SCTR: variants seen among roughly 807,000 people sequenced by gnomAD.
The protein encoded by SCTR is pancreatic secretin receptor.
Under a neutral mutation model 60.8 loss-of-function variants are expected in SCTR, and 56 were observed. The observed-to-expected ratio is 0.92, with a 90% CI of 0.74 to 1.15. SCTR has a LOEUF of 1.15. Among genes scored for constraint, SCTR ranks in the 50% most tolerant of loss-of-function variants. SCTR has a pLI of 0.00. For synonymous variants in SCTR, 202 were observed against 217.0 expected (o/e 0.93, Z 0.61); for missense variants, 562 against 550.4 (o/e 1.02, Z -0.21).
At chr2:119,467,573 T>C (rs948241653) in intron 4 of SCTR, among the ~76,000 whole-genome samples, 2 of 152,186 alleles carry the variant, frequency 1.3e-5, no homozygotes, top group Non-Finnish European at 2.9e-5. Context: ...TAGAAATATG[T>C]ATCAAGAACC....
intron 7 of SCTR, among the ~76,000 whole-genome samples, chr2:119,457,585 C>T (rs1384158356): frequency 1.3e-5 from 2 of 152,112 alleles, no homozygotes; most frequent in Non-Finnish European, 2.9e-5. Context: ...TGGTGGCATG[C>T]ACCTGTAGTC....
At chr2:119,485,103 G>C (rs912356623) in intron 2 of SCTR, among the ~76,000 whole-genome samples, 2 of 152,244 alleles carry the variant, frequency 1.3e-5, no homozygotes, top group Non-Finnish European at 2.9e-5. Flanking sequence ...ACCATCATCA[G>C]CTGCAGGCGA....
At chr2:119,448,161 C>T (rs1302523800) in intron 10 of SCTR, among the ~76,000 whole-genome samples, 2 of 152,152 alleles carry the variant, frequency 1.3e-5, no homozygotes, top group Non-Finnish European at 2.9e-5. Context: ...CCAAACCTGT[C>T]GACACCTTGA....
At chr2:119,518,495 G>A (rs1679181334) in intron 1 of SCTR, among the ~76,000 whole-genome samples, 1 of 152,162 alleles carries the variant, frequency 6.6e-6, no homozygotes, top group Non-Finnish European at 1.5e-5. Flanking sequence ...AGCACAATGG[G>A]CTAAGACTGC....
chr2:119,517,002 T>A (rs1282976806), intron 1 of SCTR, among the ~76,000 whole-genome samples: 3 of 152,088 alleles, frequency 2.0e-5, no homozygotes, highest in African/African-American at 7.2e-5. Flanking sequence ...CACTGTATCG[T>A]ACACTGGAAT....
Position 119,490,279 on chromosome 2 carries a change from G to C in SCTR, c.193+4149C>G, listed in dbSNP as rs549104227. ...TCCCTGTCCCTTGCGCAGTGGCCGAGTGCATGGGCTAAAGCACATTTGCAG... is the reference window on the plus strand; with the variant it reads ...TCCCTGTCCCTTGCGCAGTGGCCGACTGCATGGGCTAAAGCACATTTGCAG... On this transcript the variant is annotated intron_variant, in intron 2 of 12. Transcript: ENST00000019103. Among the ~76,000 whole-genome samples, 22 of 152,330 alleles carry C rather than the reference G, an allele frequency of 1.4e-4. No individual in the cohort carries two copies. The South Asian group carries it at 4.4e-3, about 30-fold the overall frequency.
At position 119,454,463 on chromosome 2, in the gene SCTR, G is replaced by C. The variant is rs180925743; in HGVS notation, c.791-1116C>G. Among the ~76,000 whole-genome samples, 1,516 of 152,256 alleles carry C rather than the reference G, an allele frequency of 1.0e-2. 22 individuals are homozygous for C. Among genetic ancestry groups the C allele is most frequent in the African/African-American group, 0.034 (1,427 of 41,544 alleles). ...GTGACAGTCTACACCAGCGCTCAAG[G>C]TGGCTCTTGAGCACCTGGTATGTGG... On this transcript the variant is annotated intron_variant, in intron 7 of 12. Transcript: ENST00000019103.
At position 119,524,343 on chromosome 2, in the gene SCTR, G is replaced by T; in HGVS notation, c.-117C>A. On this transcript the variant is annotated 5_prime_UTR_variant, in exon 1 of 13. Coordinates refer to ENST00000019103, the MANE Select transcript of SCTR (RefSeq NM_002980.3). ...GCTCCGGCCGGCCGCTGCGCCCCGAGGAGCCATGGCTGAGCCACCCGACCT... is the reference window on the plus strand; with the variant it reads ...GCTCCGGCCGGCCGCTGCGCCCCGATGAGCCATGGCTGAGCCACCCGACCT... The T allele has an allele frequency of 3.1e-6, 2 of 643,414 alleles. No individual in the cohort carries two copies. The highest frequency in any genetic ancestry group is 4.6e-6 in the Non-Finnish European group (2 of 432,354). The allele number at this position is 643,414 out of a possible 1,614,324, so 39.9% of individuals were successfully genotyped here.
At chr2:119,453,254 T>C in intron 8 of SCTR, 33 bp downstream of exon 8, 1 of 1,494,908 alleles carries the variant, frequency 6.7e-7, no homozygotes, top group Non-Finnish European at 9.3e-7. Context: ...CGATGTCAGA[T>C]ACATTCTTGT....
At chr2:119,475,847 G>A (rs1322426071) in intron 3 of SCTR, among the ~76,000 whole-genome samples, 1 of 151,824 alleles carries the variant, frequency 6.6e-6, no homozygotes, top group Admixed American at 6.6e-5. Context: ...CCGCTTTAAG[G>A]CCAGATCCTC....
Position 119,473,531 on chromosome 2 carries a change from C to A in SCTR, c.327G>T (p.Gln109His), listed in dbSNP as rs1344015656. ...TGGGGAAGGTTTCTGACCAGCCATC[C>A]TGTGTGCAGTTTCGGAACAAGGAAC... The part of the protein sequence containing the change: ...RNGSLFRNCT[Q>H]DGWSETFPRP... The change falls in exon 4 of 13, where the codon CAG becomes CAT. Residue 109 changes from glutamine (Q) to histidine (H), a missense_variant. By Grantham distance (24) the Gln-to-His change is conservative. Transcript: ENST00000019103. 2.5e-6 allele frequency: 4 copies of A among 1,613,962 alleles called. No individual in the cohort carries two copies. Among genetic ancestry groups the A allele is most frequent in the African/African-American group, 1.3e-5 (1 of 74,934 alleles).
intron 1 of SCTR, among the ~76,000 whole-genome samples, chr2:119,514,486 T>C (rs1679050910): frequency 6.6e-6 from 1 of 152,278 alleles, no homozygotes; most frequent in African/African-American, 2.4e-5. Context: ...AGAGAAAATA[T>C]GTCAAGTGGG....
intron 8 of SCTR, among the ~76,000 whole-genome samples, 157 bp from the exon 9 acceptor site, chr2:119,452,236 C>G (rs1683201603): frequency 6.6e-6 from 1 of 152,204 alleles, no homozygotes; most frequent in Admixed American, 6.5e-5. Context: ...TAGAACACCC[C>G]CTCCTGCCAC....
chr2:119,507,347 T>C (rs967986606), intron 1 of SCTR, among the ~76,000 whole-genome samples: 14 of 152,328 alleles, frequency 9.2e-5, no homozygotes, highest in Non-Finnish European at 1.8e-4. Context: ...AGAAAATGCA[T>C]GAAAATATTA....
At chr2:119,490,267 C>T (rs1178318966) in intron 2 of SCTR, among the ~76,000 whole-genome samples, 9 of 152,238 alleles carry the variant, frequency 5.9e-5, no homozygotes, top group African/African-American at 1.7e-4. Context: ...CTGTCCCTTG[C>T]GCAGTGGCCG....
intron 1 of SCTR, among the ~76,000 whole-genome samples, chr2:119,500,565 T>C (rs1272299240): frequency 6.6e-6 from 1 of 152,224 alleles, no homozygotes; most frequent in Non-Finnish European, 1.5e-5. Context: ...AATCCTGTCA[T>C]TTGTGGCAAC....
intron 7 of SCTR, 77 bp downstream of exon 7, chr2:119,461,770 A>G: frequency 7.8e-7 from 1 of 1,288,652 alleles, no homozygotes; most frequent in Non-Finnish European, 1.1e-6. Context: ...CTGGAACTAA[A>G]AGCCGAACCC....
intron 7 of SCTR, 64 bp downstream of exon 7, chr2:119,461,783 C>T (rs1388527060): frequency 1.9e-5 from 27 of 1,405,430 alleles, no homozygotes; most frequent in Admixed American, 1.1e-4. Context: ...CCGAACCCTC[C>T]GACTCTCGAC....
At chr2:119,515,154 G>T (rs1183953998) in intron 1 of SCTR, among the ~76,000 whole-genome samples, 2 of 152,246 alleles carry the variant, frequency 1.3e-5, no homozygotes, top group Non-Finnish European at 2.9e-5. Context: ...ATGGGACATA[G>T]ATTCTGTCCT....
Sources: gnomAD v4.1 joint callset for allele counts (sites outside exome capture counted in the v4.1 genomes callset) on GRCh38, gnomAD v4.1.1 for gene constraint, MANE v1.5 for transcripts, NCBI Gene and HGNC (gene_info 2026-07-23, HGNC 2026-07-21) for gene names.